ERBB4: variants seen among roughly 807,000 people sequenced by gnomAD.
The protein encoded by ERBB4 is erb-b2 receptor tyrosine kinase 4.
In ERBB4, 42 loss-of-function variants were observed where a neutral mutation model predicts 158.0. The ratio of observed to expected loss-of-function variants is 0.27; its 90% CI spans 0.21 to 0.34. The LOEUF is 0.34. Ranked by LOEUF, ERBB4 falls within the 10% of genes least tolerant of loss-of-function variation. The probability of loss-of-function intolerance (pLI) is 1.00; values close to 1 mark genes in which losing one functional copy is unlikely to be tolerated. For synonymous variants in ERBB4, 583 were observed against 558.7 expected (o/e 1.04, Z -0.61); for missense variants, 1,333 against 1,624.1 (o/e 0.82, Z 3.08).
chr2:212,067,649 A>G (rs146099807), intron 2 of ERBB4, among the ~76,000 whole-genome samples: 6 of 152,166 alleles, frequency 3.9e-5, no homozygotes, highest in African/African-American at 1.4e-4. Context: ...GAGACGTTCA[A>G]TCTACAAATC....
At chr2:211,982,380 G>A (rs2081825282) in intron 2 of ERBB4, among the ~76,000 whole-genome samples, 2 of 151,776 alleles carry the variant, frequency 1.3e-5, no homozygotes, top group Non-Finnish European at 2.9e-5. Flanking sequence ...GAGACCTGTA[G>A]AAAACAAAAA....
At chr2:211,978,396 G>GTCTGTCTTTCTATCTATCTATCTA (rs77259627) in intron 2 of ERBB4, among the ~76,000 whole-genome samples, 12 of 136,652 alleles carry the variant, frequency 8.8e-5, no homozygotes, top group South Asian at 2.6e-4. Context: ...CTGTCTGTCT[G>GTCTGTCTTTCTATCTATCTATCTA]TCTATCTATC....
intron 16 of ERBB4, among the ~76,000 whole-genome samples, chr2:211,644,877 C>T (rs929848559): frequency 2.0e-5 from 3 of 151,888 alleles, no homozygotes; most frequent in African/African-American, 4.8e-5. Flanking sequence ...GATTGCATAT[C>T]TTTATTTTTG....
intron 16 of ERBB4, among the ~76,000 whole-genome samples, chr2:211,641,346 G>C: frequency 6.6e-6 from 1 of 151,554 alleles, no homozygotes; most frequent in East Asian, 1.9e-4. Context: ...AAATTCTACT[G>C]TTCCAATCTG....
chr2:212,225,704 C>T (rs953085886), intron 1 of ERBB4, among the ~76,000 whole-genome samples: 15 of 151,462 alleles, frequency 9.9e-5, no homozygotes, highest in African/African-American at 3.2e-4. Flanking sequence ...TAAATGGGAA[C>T]TTTACATTCA....
chr2:212,472,541 A>G (rs1374493799), intron 1 of ERBB4, among the ~76,000 whole-genome samples: 1 of 151,872 alleles, frequency 6.6e-6, no homozygotes, highest in Non-Finnish European at 1.5e-5. Context: ...TATTAAAAAA[A>G]AAACCTACCT....
chr2:212,280,480 A>G (rs942644252), intron 1 of ERBB4, among the ~76,000 whole-genome samples: 2 of 151,698 alleles, frequency 1.3e-5, no homozygotes, highest in African/African-American at 4.8e-5. Context: ...AAAGTCAAGC[A>G]TGTAAAAATC....
intron 4 of ERBB4, chr2:211,777,392 T>C (rs1027419855): frequency 6.6e-6 from 1 of 152,190 alleles, no homozygotes; most frequent in Non-Finnish European, 1.5e-5. Flanking sequence ...GGTTGAATAA[T>C]AGCAGTACTA....
intron 1 of ERBB4, among the ~76,000 whole-genome samples, chr2:212,345,603 A>G (rs1031186117): frequency 3.3e-5 from 5 of 152,194 alleles, no homozygotes; most frequent in Non-Finnish European, 5.9e-5. Flanking sequence ...TGAAAGTGGC[A>G]TGAAATTTAA....
intron 20 of ERBB4, among the ~76,000 whole-genome samples, chr2:211,450,771 T>C (rs991043019): frequency 6.6e-6 from 1 of 152,140 alleles, no homozygotes; most frequent in African/African-American, 2.4e-5. Context: ...CATAAGTCTC[T>C]AAACCCTTAC....
At chr2:212,209,925 G>C (rs2082880193) in intron 1 of ERBB4, among the ~76,000 whole-genome samples, 1 of 151,966 alleles carries the variant, frequency 6.6e-6, no homozygotes, top group African/African-American at 2.4e-5. Flanking sequence ...CTATTTCCTT[G>C]TCACTTGCTT....
chr2:211,563,000 T>C (rs2067447441), intron 19 of ERBB4, among the ~76,000 whole-genome samples: 1 of 152,096 alleles, frequency 6.6e-6, no homozygotes, highest in Admixed American at 6.5e-5. Context: ...CTCTATCTCC[T>C]GACCTTGTGA....
intron 1 of ERBB4, among the ~76,000 whole-genome samples, chr2:212,129,865 C>A (rs532989221): frequency 4.6e-5 from 7 of 152,048 alleles, no homozygotes; most frequent in African/African-American, 1.7e-4. Flanking sequence ...TTGAGGCTTT[C>A]ATTTATGTTT....
chr2:212,463,873 A>G (rs1688699010), intron 1 of ERBB4, among the ~76,000 whole-genome samples: 1 of 152,156 alleles, frequency 6.6e-6, no homozygotes, highest in Non-Finnish European at 1.5e-5. Context: ...AAGTTTAATC[A>G]CCTTGTCTAA....
chr2:211,606,106 A>G (rs2068970804), intron 19 of ERBB4, among the ~76,000 whole-genome samples: 1 of 152,118 alleles, frequency 6.6e-6, no homozygotes, highest in African/African-American at 2.4e-5. Context: ...TGTACAATAG[A>G]CAAAGTATTA....
chr2:211,406,021 C>T (rs372294513), intron 25 of ERBB4, among the ~76,000 whole-genome samples: 41 of 152,258 alleles, frequency 2.7e-4, no homozygotes, highest in African/African-American at 9.1e-4. Context: ...CCACTCATGT[C>T]CTGTGACTCA....
intron 3 of ERBB4, among the ~76,000 whole-genome samples, chr2:211,824,772 T>C (rs1367941940): frequency 6.6e-6 from 1 of 151,976 alleles, no homozygotes; most frequent in African/African-American, 2.4e-5. Context: ...CTTCAAACTA[T>C]AATTTTACGT....
chr2:212,127,003 G>T (rs1445472342), intron 1 of ERBB4, among the ~76,000 whole-genome samples: 1 of 152,102 alleles, frequency 6.6e-6, no homozygotes, highest in African/African-American at 2.4e-5. Flanking sequence ...TTTAAAGTCT[G>T]GATTTCTAAA....
intron 1 of ERBB4, among the ~76,000 whole-genome samples, chr2:212,343,762 A>G (rs573170208): frequency 6.6e-6 from 1 of 152,162 alleles, no homozygotes; most frequent in Non-Finnish European, 1.5e-5. Flanking sequence ...TTCAATAAAC[A>G]GCTGCAAACA....
Sources: allele counts gnomAD v4.1 joint callset (sites outside exome capture counted in the v4.1 genomes callset), GRCh38; gene constraint gnomAD v4.1.1; transcripts MANE v1.5; gene names NCBI Gene and HGNC (gene_info 2026-07-23, HGNC 2026-07-21).